RIT2: variants seen among roughly 807,000 people sequenced by gnomAD.
RIT2 encodes Ras like without CAAX 2, also known as GTP-binding protein Rit2.
Under a neutral mutation model 23.7 loss-of-function variants are expected in RIT2, and 24 were observed. The observed-to-expected ratio is 1.01, with a 90% CI of 0.73 to 1.43. The LOEUF (loss-of-function observed/expected upper bound fraction) is 1.43, where lower values mean the gene tolerates loss of function less well. Ranked by LOEUF, RIT2 falls within the 40% of genes most tolerant of loss-of-function variation. The pLI is 0.00. For missense variants in RIT2, 236 were observed against 266.9 expected (o/e 0.88, Z 0.81); for synonymous variants, 107 against 91.1 (o/e 1.17, Z -0.99).
chr18:42,867,200 A>G (rs1393273617), intron 4 of RIT2, among the ~76,000 whole-genome samples: 1 of 152,126 alleles, frequency 6.6e-6, no homozygotes, highest in Non-Finnish European at 1.5e-5. Flanking sequence ...TGGTGACAAC[A>G]GGCTTTGTGG....
chr18:42,911,768 T>A (rs1379547911), intron 4 of RIT2, among the ~76,000 whole-genome samples: 1 of 152,034 alleles, frequency 6.6e-6, no homozygotes, highest in Non-Finnish European at 1.5e-5. Context: ...AATAGTTCTA[T>A]AACTATTGAA....
At chr18:42,990,551 A>G (rs1396510272) in intron 2 of RIT2, among the ~76,000 whole-genome samples, 1 of 152,206 alleles carries the variant, frequency 6.6e-6, no homozygotes, top group Non-Finnish European at 1.5e-5. Flanking sequence ...TAACCCTGTT[A>G]AAGAAATGTT....
At chr18:42,864,794 A>T (rs1277654490) in intron 4 of RIT2, among the ~76,000 whole-genome samples, 1 of 152,190 alleles carries the variant, frequency 6.6e-6, no homozygotes, top group Non-Finnish European at 1.5e-5. Context: ...TCCTCCACTA[A>T]GCCTCGCCAA....
intron 2 of RIT2, among the ~76,000 whole-genome samples, chr18:43,017,968 T>C (rs1911511598): frequency 6.6e-6 from 1 of 152,072 alleles, no homozygotes; most frequent in Admixed American, 6.6e-5. Flanking sequence ...TACACACACG[T>C]TTACTGCAAG....
intron 1 of RIT2, among the ~76,000 whole-genome samples, chr18:43,112,972 C>A (rs1485057295): frequency 6.6e-6 from 1 of 152,048 alleles, no homozygotes; most frequent in East Asian, 1.9e-4. Flanking sequence ...GTTATACAAT[C>A]CCTTCATATA....
chr18:42,851,572 G>A (rs1033921441), intron 4 of RIT2, among the ~76,000 whole-genome samples: 1 of 152,110 alleles, frequency 6.6e-6, no homozygotes, highest in Admixed American at 6.6e-5. Context: ...TAGGTAAAGG[G>A]CTGGGCGCAT....
rs1379876220 is a variant in RIT2 at position 43,096,114 on chromosome 18, G to C, written c.103+19303C>G. On this transcript the variant is annotated intron_variant, in intron 1 of 4. Coordinates refer to ENST00000326695, the MANE Select transcript of RIT2 (RefSeq NM_002930.4). ...ACATTGGAGTAGAAAAAGGAAGGAA[G>C]GAAACAGAGGAGTGAATATAAATCC... 2.0e-5 allele frequency among the ~76,000 whole-genome samples: 3 copies of C among 151,826 alleles called. No homozygotes were observed. The East Asian group carries it at 5.8e-4, about 29-fold the overall frequency.
At chr18:42,905,469 GTTGT>G (rs936602970) in intron 4 of RIT2, among the ~76,000 whole-genome samples, 13 of 152,042 alleles carry the variant, frequency 8.6e-5, no homozygotes, top group East Asian at 1.9e-4. Flanking sequence ...GAAAAACATG[GTTGT>G]TTGTTTGTTT....
chr18:42,814,059 A>G (rs546030183), intron 4 of RIT2, among the ~76,000 whole-genome samples: 19 of 152,192 alleles, frequency 1.2e-4, no homozygotes, highest in Non-Finnish European at 2.5e-4. Context: ...GCAGTGGGGT[A>G]AGGCCTGTGA....
intron 4 of RIT2, among the ~76,000 whole-genome samples, chr18:42,792,212 T>G (rs893750685): frequency 6.6e-6 from 1 of 152,176 alleles, no homozygotes; most frequent in African/African-American, 2.4e-5. Context: ...TGAATTTATC[T>G]CCCCCACTTT....
intron 1 of RIT2, among the ~76,000 whole-genome samples, chr18:43,058,871 C>T (rs1442020664): frequency 6.6e-6 from 1 of 151,968 alleles, no homozygotes; most frequent in East Asian, 1.9e-4. Flanking sequence ...CCTAAGGGTA[C>T]AGAGTGAGAC....
At chr18:42,904,914 T>C (rs1378187100) in intron 4 of RIT2, among the ~76,000 whole-genome samples, 1 of 152,146 alleles carries the variant, frequency 6.6e-6, no homozygotes, top group Non-Finnish European at 1.5e-5. Context: ...AATTTAACAT[T>C]AGCTGGATGA....
At chr18:42,802,883 T>C (rs914294307) in intron 4 of RIT2, among the ~76,000 whole-genome samples, 2 of 152,178 alleles carry the variant, frequency 1.3e-5, no homozygotes, top group Non-Finnish European at 2.9e-5. Flanking sequence ...AATAAAAATC[T>C]CTAACATTTT....
chr18:43,092,671 T>C (rs1913451600), intron 1 of RIT2, among the ~76,000 whole-genome samples: 1 of 152,024 alleles, frequency 6.6e-6, no homozygotes, highest in South Asian at 2.1e-4. Flanking sequence ...TATTAACTGT[T>C]ATCGAGACAG....
chr18:42,910,049 A>G (rs981886810), intron 4 of RIT2, among the ~76,000 whole-genome samples: 1 of 152,144 alleles, frequency 6.6e-6, no homozygotes, highest in African/African-American at 2.4e-5. Flanking sequence ...ATGGTAACAC[A>G]TTGACACCAG....
chr18:43,059,802 A>C (rs571234758), intron 1 of RIT2, among the ~76,000 whole-genome samples: 1 of 152,218 alleles, frequency 6.6e-6, no homozygotes, highest in East Asian at 1.9e-4. Context: ...ATTTTACAGA[A>C]AAGACAGCAG....
intron 3 of RIT2, among the ~76,000 whole-genome samples, chr18:42,967,461 C>G (rs554719960): frequency 5.7e-4 from 86 of 151,902 alleles, no homozygotes; most frequent in Non-Finnish European, 1.1e-3. Context: ...GCTCCGCCTC[C>G]CGGGTTCATG....
intron 4 of RIT2, among the ~76,000 whole-genome samples, chr18:42,875,784 CCTT>C (rs537326114): frequency 8.5e-5 from 13 of 152,092 alleles, no homozygotes; most frequent in Admixed American, 2.0e-4. Context: ...TTTTTCCTGT[CCTT>C]CTTTCTGGTG....
At chr18:42,993,743 C>G (rs894601946) in intron 2 of RIT2, among the ~76,000 whole-genome samples, 4 of 151,630 alleles carry the variant, frequency 2.6e-5, no homozygotes, top group Non-Finnish European at 5.9e-5. Context: ...TTCACATCCT[C>G]CCCTTGTATC....
Sources: gnomAD v4.1 joint callset for allele counts (sites outside exome capture counted in the v4.1 genomes callset) on GRCh38, gnomAD v4.1.1 for gene constraint, MANE v1.5 for transcripts, NCBI Gene and HGNC (gene_info 2026-07-23, HGNC 2026-07-21) for gene names.